GADL1: variants seen among roughly 807,000 people sequenced by gnomAD.
The protein encoded by GADL1 is acidic amino acid decarboxylase GADL1.
In GADL1, 71 loss-of-function variants were observed where a neutral mutation model predicts 69.5. That is an observed-to-expected ratio of 1.02 (90% CI 0.84 to 1.25). The LOEUF (loss-of-function observed/expected upper bound fraction) is 1.25, where lower values mean the gene tolerates loss of function less well. Ranked by LOEUF, GADL1 falls within the 50% of genes most tolerant of loss-of-function variation. The pLI is 0.00. For synonymous variants in GADL1, 254 were observed against 214.4 expected (o/e 1.18, Z -1.62); for missense variants, 737 against 631.8 (o/e 1.17, Z -1.79).
chr3:30,837,100 G>A (rs1283333229), intron 9 of GADL1, among the ~76,000 whole-genome samples: 2 of 151,964 alleles, frequency 1.3e-5, no homozygotes, highest in South Asian at 2.1e-4. Flanking sequence ...GAGCAGCATG[G>A]TTTTACTGAA....
At chr3:30,814,730 T>A (rs992449841) in intron 11 of GADL1, among the ~76,000 whole-genome samples, 1 of 152,018 alleles carries the variant, frequency 6.6e-6, no homozygotes, top group African/African-American at 2.4e-5. Context: ...ACCAGAGACA[T>A]TATTCTTGAT....
chr3:30,789,573 C>T (rs1405955798), intron 12 of GADL1, among the ~76,000 whole-genome samples: 1 of 152,190 alleles, frequency 6.6e-6, no homozygotes, highest in Non-Finnish European at 1.5e-5. Flanking sequence ...TCCCTCTGGT[C>T]ATGAAACTCA....
intron 14 of GADL1, among the ~76,000 whole-genome samples, chr3:30,769,909 A>G (rs1007385347): frequency 1.3e-5 from 2 of 152,244 alleles, no homozygotes; most frequent in African/African-American, 4.8e-5. Context: ...CCAGTGACAC[A>G]CAGGTAATCA....
Position 30,839,006 on chromosome 3 carries a change from A to G in GADL1, c.894T>C (p.Leu298=). 1 of 1,580,246 alleles carries G rather than the reference A, an allele frequency of 6.3e-7. No homozygotes were observed. The highest frequency in any genetic ancestry group is 8.6e-7 in the Non-Finnish European group (1 of 1,157,228). Residue 298 remains leucine, a synonymous_variant, in exon 9 of 15, where the codon CTT becomes CTC. Coordinates refer to ENST00000282538, the MANE Select transcript of GADL1 (RefSeq NM_207359.3). ...ADICERHSLW[L]HVDASWGGSA... is the part of the protein sequence containing the mutation. ...ACATAAATGAACTTACATCTACATG[A>G]AGCCAGAGGCTGTGCCTCTCGCAGA...
At chr3:30,792,321 C>T (rs1425099351) in intron 12 of GADL1, among the ~76,000 whole-genome samples, 3 of 152,168 alleles carry the variant, frequency 2.0e-5, no homozygotes, top group Non-Finnish European at 4.4e-5. Flanking sequence ...GCCTATAATC[C>T]TAGCACTGTG....
At chr3:30,751,366 T>C (rs1053831573) in intron 14 of GADL1, among the ~76,000 whole-genome samples, 11 of 152,072 alleles carry the variant, frequency 7.2e-5, no homozygotes, top group African/African-American at 1.4e-4. Flanking sequence ...GTTTCTATTC[T>C]GTGAGTTGTC....
intron 12 of GADL1, among the ~76,000 whole-genome samples, chr3:30,796,746 T>A (rs770073570): frequency 5.9e-5 from 9 of 152,148 alleles, no homozygotes; most frequent in Non-Finnish European, 1.3e-4. Context: ...CTTCTGAAAG[T>A]CATCACTACA....
intron 11 of GADL1, among the ~76,000 whole-genome samples, chr3:30,802,205 T>G (rs1235119547): frequency 6.6e-6 from 1 of 152,188 alleles, no homozygotes; most frequent in Non-Finnish European, 1.5e-5. Context: ...GCCTTGGTCC[T>G]GTGCTTTCCG....
intron 14 of GADL1, among the ~76,000 whole-genome samples, chr3:30,763,944 A>G (rs1400074368): frequency 1.3e-5 from 2 of 152,244 alleles, no homozygotes; most frequent in African/African-American, 4.8e-5. Context: ...AATAAAAAGG[A>G]AAAAATCTTC....
intron 14 of GADL1, among the ~76,000 whole-genome samples, chr3:30,750,541 A>G (rs1021154901): frequency 3.3e-5 from 5 of 152,184 alleles, no homozygotes; most frequent in Non-Finnish European, 7.3e-5. Context: ...GAAATGCCAC[A>G]CTAGCTGTGG....
At chr3:30,842,884 C>T (rs1224754578) in intron 8 of GADL1, among the ~76,000 whole-genome samples, 2 of 134,056 alleles carry the variant, frequency 1.5e-5, no homozygotes, top group East Asian at 4.7e-4. Context: ...GCAATAATGG[C>T]AGAAATTTTA....
intron 1 of GADL1, among the ~76,000 whole-genome samples, chr3:30,868,829 T>C (rs1447214249): frequency 6.6e-6 from 1 of 151,792 alleles, no homozygotes; most frequent in African/African-American, 2.4e-5. Flanking sequence ...AATGTTTGCT[T>C]TCAAAGGACA....
chr3:30,891,410 C>G (rs1006968925), intron 1 of GADL1, among the ~76,000 whole-genome samples: 1 of 152,136 alleles, frequency 6.6e-6, no homozygotes, highest in Non-Finnish European at 1.5e-5. Flanking sequence ...AACAATGCTA[C>G]TGTCATTTCA....
intron 1 of GADL1, among the ~76,000 whole-genome samples, chr3:30,880,588 A>C (rs1251311347): frequency 6.6e-6 from 1 of 151,960 alleles, no homozygotes; most frequent in Non-Finnish European, 1.5e-5. Context: ...TTGTGATTCC[A>C]TTAAACCTCT....
chr3:30,774,773 T>C (rs535447096), intron 14 of GADL1, among the ~76,000 whole-genome samples: 2 of 152,260 alleles, frequency 1.3e-5, no homozygotes, highest in East Asian at 3.9e-4. Context: ...TCCTAAATAT[T>C]ATATTTACTA....
rs1491390714 is a variant in GADL1 at position 30,839,529 on chromosome 3, G to GAAAAAAAAAAAAAAAAAAAAAA, written c.787-417_787-416insTTTTTTTTTTTTTTTTTTTTTT. Among the ~76,000 whole-genome samples the GAAAAAAAAAAAAAAAAAAAAAA allele has an allele frequency of 3.7e-5, 5 of 133,826 alleles. 1 individual carries two copies. Among genetic ancestry groups the GAAAAAAAAAAAAAAAAAAAAAA allele is most frequent in the African/African-American group, 1.5e-4 (5 of 34,016 alleles). The allele number at this position is 133,826 out of a possible 152,430, so 87.8% of individuals were successfully genotyped here. ...GTCATCTTCTCAAAAAAAAAAAAAG[G>GAAAAAAAAAAAAAAAAAAAAAA]TTGGAAGACAGAGCTCCCGGAGTAA... On this transcript the variant is annotated intron_variant, in intron 8 of 14. Transcript: ENST00000282538.
At chr3:30,772,818 G>GT (rs1293784405) in intron 14 of GADL1, among the ~76,000 whole-genome samples, 2 of 152,192 alleles carry the variant, frequency 1.3e-5, no homozygotes, top group African/African-American at 4.8e-5. Flanking sequence ...GGAGGTTGCA[G>GT]TGAGCCAAGA....
At chr3:30,768,679 G>GGAT (rs752381582) in intron 14 of GADL1, among the ~76,000 whole-genome samples, 45 of 152,080 alleles carry the variant, frequency 3.0e-4, no homozygotes, top group Non-Finnish European at 5.7e-4. Flanking sequence ...TTTGGAGAAG[G>GGAT]GATGTGACTT....
chr3:30,756,348 G>C (rs899488846), intron 14 of GADL1, among the ~76,000 whole-genome samples: 2 of 152,132 alleles, frequency 1.3e-5, no homozygotes, highest in African/African-American at 4.8e-5. Context: ...GTCCAAGTGA[G>C]ATTGTGGATG....
Sources: allele counts gnomAD v4.1 joint callset (sites outside exome capture counted in the v4.1 genomes callset), GRCh38; gene constraint gnomAD v4.1.1; transcripts MANE v1.5; gene names NCBI Gene and HGNC (gene_info 2026-07-23, HGNC 2026-07-21).